NXPE2: variants seen among roughly 807,000 people sequenced by gnomAD.
NXPE2 encodes neurexophilin and PC-esterase domain family member 2.
In NXPE2, 34 loss-of-function variants were observed where a neutral mutation model predicts 34.4. That is an observed-to-expected ratio of 0.99 (90% CI 0.75 to 1.31). The LOEUF (loss-of-function observed/expected upper bound fraction) is 1.31, where lower values mean the gene tolerates loss of function less well. NXPE2 is among the 40% of genes most tolerant of loss of function. The probability of loss-of-function intolerance (pLI) is 0.00; values close to 1 mark genes in which losing one functional copy is unlikely to be tolerated. For synonymous variants in NXPE2, 235 were observed against 231.3 expected (o/e 1.02, Z -0.15); for missense variants, 649 against 672.5 (o/e 0.97, Z 0.39).
At chr11:114,508,477 A>C in the NXPE2 span, among the ~76,000 whole-genome samples, 1 of 152,234 alleles carries the variant, frequency 6.6e-6, no homozygotes, top group African/African-American at 2.4e-5. Flanking sequence ...GCATCATGCT[A>C]CCTGACTGCA....
chr11:114,511,487 G>C, the NXPE2 span, among the ~76,000 whole-genome samples: 1 of 152,230 alleles, frequency 6.6e-6, no homozygotes, highest in Non-Finnish European at 1.5e-5. Context: ...GCTAGCTGCT[G>C]TCTCAGCCCT....
chr11:114,685,828 G>A (rs572343613), intron 2 of NXPE2, among the ~76,000 whole-genome samples: 12 of 152,022 alleles, frequency 7.9e-5, no homozygotes, highest in Admixed American at 2.0e-4. Flanking sequence ...TTTGTGTCTC[G>A]TATGTTGCAT....
At chr11:114,527,861 T>G in the NXPE2 span, 1 of 1,607,684 alleles carries the variant, frequency 6.2e-7, no homozygotes, top group Non-Finnish European at 8.5e-7. Flanking sequence ...GTGACATCAA[T>G]GTGTTTACGA....
the NXPE2 span, among the ~76,000 whole-genome samples, chr11:114,765,006 G>C: frequency 7.2e-5 from 11 of 151,932 alleles, no homozygotes; most frequent in Admixed American, 2.6e-4. Flanking sequence ...GCTCCTTCTG[G>C]GATTTTTCTT....
chr11:114,607,918 T>C, the NXPE2 span, among the ~76,000 whole-genome samples: 5 of 151,932 alleles, frequency 3.3e-5, no homozygotes, highest in Admixed American at 3.3e-4. Flanking sequence ...ACCCAATGGA[T>C]AATAAGTATT....
chr11:114,812,887 T>C, the NXPE2 span, among the ~76,000 whole-genome samples: 1 of 151,640 alleles, frequency 6.6e-6, no homozygotes, highest in Admixed American at 6.6e-5. Flanking sequence ...TTCCATAAAG[T>C]AGACCTCACA....
intron 2 of NXPE2, among the ~76,000 whole-genome samples, chr11:114,690,384 G>T (rs1951128606): frequency 6.6e-6 from 1 of 152,026 alleles, no homozygotes; most frequent in African/African-American, 2.4e-5. Context: ...GAAATTCTTG[G>T]CTAGCATTTC....
chr11:114,592,328 G>T, the NXPE2 span, among the ~76,000 whole-genome samples: 1 of 152,046 alleles, frequency 6.6e-6, no homozygotes, highest in African/African-American at 2.4e-5. Context: ...CAGTAAAGTT[G>T]CAGGATACAA....
chr11:114,738,775 A>G, the NXPE2 span, among the ~76,000 whole-genome samples: 2 of 152,136 alleles, frequency 1.3e-5, no homozygotes, highest in Non-Finnish European at 1.5e-5. Flanking sequence ...CCAGCCTCCC[A>G]GCACCTCATG....
chr11:114,558,015 A>G, the NXPE2 span, among the ~76,000 whole-genome samples: 1 of 151,946 alleles, frequency 6.6e-6, no homozygotes, highest in Non-Finnish European at 1.5e-5. Flanking sequence ...CTTTCTCTCT[A>G]GAATCTAGAT....
the NXPE2 span, among the ~76,000 whole-genome samples, chr11:114,498,216 G>A: frequency 0.02 from 3,007 of 151,792 alleles, 102 homozygotes; most frequent in African/African-American, 0.069. Context: ...TGGTTTTTCC[G>A]TATAGAGAAG....
chr11:114,499,056 T>C, the NXPE2 span, among the ~76,000 whole-genome samples: 1 of 152,152 alleles, frequency 6.6e-6, no homozygotes, highest in African/African-American at 2.4e-5. Flanking sequence ...AAATTTCAAC[T>C]TCTCCCATGG....
chr11:114,508,483 C>A, the NXPE2 span, among the ~76,000 whole-genome samples: 1 of 152,180 alleles, frequency 6.6e-6, no homozygotes, highest in African/African-American at 2.4e-5. Flanking sequence ...TGCTACCTGA[C>A]TGCAAACTAT....
At chr11:114,696,242 C>G (rs1473636220) in intron 2 of NXPE2, among the ~76,000 whole-genome samples, 1 of 148,564 alleles carries the variant, frequency 6.7e-6, no homozygotes, top group Non-Finnish European at 1.5e-5. Context: ...GGAGGATTAC[C>G]TAAGCCTGGA....
At chr11:114,528,920 T>G in the NXPE2 span, 1 of 534,202 alleles carries the variant, frequency 1.9e-6, no homozygotes, top group Non-Finnish European at 3.5e-6. Context: ...TTTGATGAGA[T>G]GTACCATCAG....
At chr11:114,640,773 A>G in the NXPE2 span, among the ~76,000 whole-genome samples, 1 of 151,968 alleles carries the variant, frequency 6.6e-6, no homozygotes. Flanking sequence ...ATGTGTGTCC[A>G]TGTAATTTAC....
At chr11:114,575,634 AC>A in the NXPE2 span, among the ~76,000 whole-genome samples, 3 of 152,072 alleles carry the variant, frequency 2.0e-5, no homozygotes, top group East Asian at 5.8e-4. Context: ...CCTTAAGAAT[AC>A]CTAGCCAAGG....
At chr11:114,571,009 T>C in the NXPE2 span, 1 of 1,613,296 alleles carries the variant, frequency 6.2e-7, no homozygotes, top group Non-Finnish European at 8.5e-7. Context: ...ACATTATTTG[T>C]GCCATATGCA....
chr11:114,595,058 C>G, the NXPE2 span, among the ~76,000 whole-genome samples: 1 of 152,120 alleles, frequency 6.6e-6, no homozygotes, highest in Non-Finnish European at 1.5e-5. Flanking sequence ...TTGCTCGTGT[C>G]TAGATGAAGT....
Sources: gnomAD v4.1 joint callset for allele counts (sites outside exome capture counted in the v4.1 genomes callset) on GRCh38, gnomAD v4.1.1 for gene constraint, MANE v1.5 for transcripts, NCBI Gene and HGNC (gene_info 2026-07-23, HGNC 2026-07-21) for gene names.